Variants in ZCCHC14 observed in about 807,000 individuals in gnomAD.
The protein encoded by ZCCHC14 is zinc finger CCHC domain-containing protein 14.
ZCCHC14 carries 16 observed loss-of-function variants against 85.0 expected under a neutral mutation model. That is an observed-to-expected ratio of 0.19 (90% CI 0.13 to 0.29). The LOEUF (loss-of-function observed/expected upper bound fraction) is 0.29. ZCCHC14 is among the 10% of genes least tolerant of loss of function. The pLI is 1.00. For synonymous variants in ZCCHC14, 775 were observed against 630.7 expected (o/e 1.23, Z -3.43); for missense variants, 1,303 against 1,443.5 (o/e 0.90, Z 1.58).
At chr16:87,442,126 G>C (rs754136228) in intron 2 of ZCCHC14, among the ~76,000 whole-genome samples, 4 of 152,196 alleles carry the variant, frequency 2.6e-5, no homozygotes, top group Admixed American at 6.5e-5. Context: ...TGGCGTTGTG[G>C]GTGCGTTCAC....
chr16:87,413,321 A>T, intron 10 of ZCCHC14, 126 bp from the exon 11 acceptor site: 1 of 1,351,286 alleles, frequency 7.4e-7, no homozygotes, highest in Non-Finnish European at 9.8e-7. Context: ...TGAGAGTCAG[A>T]AAACGAACAC....
chr16:87,455,913 G>A (rs1314986456), intron 2 of ZCCHC14, among the ~76,000 whole-genome samples: 14 of 152,210 alleles, frequency 9.2e-5, no homozygotes. Flanking sequence ...AGCGTTCTGA[G>A]CACATTTAAG....
At chr16:87,439,179 G>A (rs1476074717) in intron 2 of ZCCHC14, among the ~76,000 whole-genome samples, 3 of 148,368 alleles carry the variant, frequency 2.0e-5, no homozygotes, top group South Asian at 2.1e-4. Context: ...TTGCTCTGTC[G>A]CCAGGCTGGA....
chr16:87,417,102 G>T (rs754276372), intron 8 of ZCCHC14, among the ~76,000 whole-genome samples: 1 of 152,174 alleles, frequency 6.6e-6, no homozygotes, highest in Non-Finnish European at 1.5e-5. Context: ...CTGGCCCGCC[G>T]CAGTGTCTGC....
chr16:87,483,537 G>A (rs1173680873), intron 1 of ZCCHC14, among the ~76,000 whole-genome samples: 1 of 151,890 alleles, frequency 6.6e-6, no homozygotes, highest in African/African-American at 2.4e-5. Flanking sequence ...ACTCAACAGA[G>A]ATGAGCAAAG....
chr16:87,463,783 A>G (rs1387499044), intron 1 of ZCCHC14, among the ~76,000 whole-genome samples: 1 of 152,116 alleles, frequency 6.6e-6, no homozygotes, highest in African/African-American at 2.4e-5. Context: ...AGATTACACC[A>G]TATTGCACTC....
At chr16:87,441,074 G>C (rs1367489969) in intron 2 of ZCCHC14, among the ~76,000 whole-genome samples, 2 of 151,474 alleles carry the variant, frequency 1.3e-5, no homozygotes, top group African/African-American at 2.4e-5. Context: ...CGCCATCTCG[G>C]CTCACTGCAA....
chr16:87,448,662 T>C (rs1910551346), intron 2 of ZCCHC14, among the ~76,000 whole-genome samples: 1 of 152,164 alleles, frequency 6.6e-6, no homozygotes, highest in Non-Finnish European at 1.5e-5. Context: ...AACAACTCTC[T>C]CTTGGTCTTC....
At chr16:87,477,887 C>T (rs1477351376) in intron 1 of ZCCHC14, among the ~76,000 whole-genome samples, 1 of 151,086 alleles carries the variant, frequency 6.6e-6, no homozygotes, top group Non-Finnish European at 1.5e-5. Flanking sequence ...CACCGACACG[C>T]CCCCACCGCA....
At chr16:87,441,982 G>A (rs1342704778) in intron 2 of ZCCHC14, among the ~76,000 whole-genome samples, 1 of 152,214 alleles carries the variant, frequency 6.6e-6, no homozygotes, top group African/African-American at 2.4e-5. Context: ...ATGAAGATGG[G>A]GATGGTCACT....
At chr16:87,413,836 C>A (rs1908619662) in intron 10 of ZCCHC14, among the ~76,000 whole-genome samples, 1 of 151,956 alleles carries the variant, frequency 6.6e-6, no homozygotes, top group Admixed American at 6.6e-5. Flanking sequence ...TGGGCGCAGG[C>A]TACTCCCATC....
Position 87,412,843 on chromosome 16 carries a change from G to A in ZCCHC14, c.1878C>T (p.Gly626=), listed in dbSNP as rs576776984. The stretch of plus-strand genomic sequence containing the variant: ...GCATCTGCGGGGGCAGGGGGTGGTG[G>A]CCTGATGGATTGGAGCTGGCCTCAT... The part of the protein sequence containing the change: ...VQNEASSNPS[G]HHPLPPQMLS... The change falls in exon 12 of 13, where the codon GGC becomes GGT. Residue 626 remains glycine (G), a synonymous_variant. Coordinates refer to ENST00000671377, the MANE Select transcript of ZCCHC14 (RefSeq NM_015144.3). 3.5e-5 allele frequency: 56 copies of A among 1,609,344 alleles called. No homozygotes were observed. In the South Asian group the frequency reaches 3.9e-4, roughly 11 times the overall value.
chr16:87,488,123 G>T (rs1912597578), intron 1 of ZCCHC14, among the ~76,000 whole-genome samples: 1 of 152,138 alleles, frequency 6.6e-6, no homozygotes, highest in Non-Finnish European at 1.5e-5. Flanking sequence ...TATAGTATAT[G>T]AATTCTCTTT....
At chr16:87,467,142 G>A in intron 1 of ZCCHC14, 1 of 1,055,886 alleles carries the variant, frequency 9.5e-7, no homozygotes, top group South Asian at 1.3e-5. Context: ...CACCAGATCA[G>A]ACCTGTTGAT....
rs749642902 is a variant in ZCCHC14 at position 87,417,487 on chromosome 16, G to C, written c.1356C>G (p.Pro452=). The change falls in exon 8 of 13, where the codon CCC becomes CCG. Residue 452 remains proline, a synonymous_variant. Transcript: ENST00000671377. ...LRKLRLHKYY[P]VFKQLSMEKF... ...TCTCCATGGAGAGCTGCTTAAAGAC[G>C]GGGTAATACTTGTGCAAACGCAGTT... 5.6e-6 allele frequency: 9 copies of C among 1,614,054 alleles called. No individual in the cohort carries two copies. In the South Asian group the frequency reaches 9.9e-5, roughly 18 times the overall value.
chr16:87,453,033 T>C lies in ZCCHC14; in HGVS notation c.694+6975A>G, dbSNP rs1409898264. On this transcript the variant is annotated intron_variant, in intron 2 of 12. Coordinates refer to ENST00000671377, the MANE Select transcript of ZCCHC14 (RefSeq NM_015144.3). ...GCACCCGTCTCCCTTGACAGAGGAG[T>C]GGACACAGCCTGGGAGGGGAGGCGA... is the stretch of plus-strand genomic sequence containing the variant. 2.0e-5 allele frequency among the ~76,000 whole-genome samples: 3 copies of C among 151,696 alleles called. No homozygotes were observed. The East Asian group carries it at 5.8e-4, about 29-fold the overall frequency.
chr16:87,481,895 C>A (rs1411277412), intron 1 of ZCCHC14, among the ~76,000 whole-genome samples: 1 of 152,140 alleles, frequency 6.6e-6, no homozygotes, highest in Non-Finnish European at 1.5e-5. Flanking sequence ...CAAAGTCCAA[C>A]AGCAACAGCC....
intron 2 of ZCCHC14, among the ~76,000 whole-genome samples, chr16:87,450,682 T>C (rs1477582319): frequency 6.6e-6 from 1 of 151,446 alleles, no homozygotes. Flanking sequence ...GCAGTTCTCC[T>C]GCCTCAGCCT....
At chr16:87,456,125 T>G (rs1597434703) in intron 2 of ZCCHC14, among the ~76,000 whole-genome samples, 1 of 152,182 alleles carries the variant, frequency 6.6e-6, no homozygotes, top group Non-Finnish European at 1.5e-5. Flanking sequence ...TAATAAAATG[T>G]TAGATAAAGA....
Sources: gnomAD v4.1 joint callset for allele counts (sites outside exome capture counted in the v4.1 genomes callset) on GRCh38, gnomAD v4.1.1 for gene constraint, MANE v1.5 for transcripts, NCBI Gene and HGNC (gene_info 2026-07-23, HGNC 2026-07-21) for gene names.